Variants in ZDHHC21 observed in about 807,000 individuals in gnomAD.
ZDHHC21 encodes the protein zDHHC palmitoyltransferase 21.
ZDHHC21 carries 15 observed loss-of-function variants against 34.6 expected under a neutral mutation model. The observed-to-expected ratio is 0.43, with a 90% confidence interval of 0.29 to 0.67. ZDHHC21 has a LOEUF of 0.67. Ranked by LOEUF, ZDHHC21 falls within the 30% of genes least tolerant of loss-of-function variation. The pLI, the probability that ZDHHC21 is intolerant of heterozygous loss-of-function variation, is 0.14. For synonymous variants in ZDHHC21, 142 were observed against 101.8 expected (o/e 1.40, Z -2.38); for missense variants, 344 against 327.7 (o/e 1.05, Z -0.38).
intron 8 of ZDHHC21, among the ~76,000 whole-genome samples, chr9:14,639,585 T>C (rs970325124): frequency 6.6e-6 from 1 of 152,072 alleles, no homozygotes; most frequent in Non-Finnish European, 1.5e-5. Flanking sequence ...TTATATATTA[T>C]ATGCATGTAA....
chr9:14,674,354 A>G lies in ZDHHC21; in HGVS notation c.-14T>C. 1.3e-6 allele frequency: 2 copies of G among 1,585,182 alleles called. No homozygotes were observed. Among genetic ancestry groups the G allele is most frequent in the Non-Finnish European group, 1.7e-6 (2 of 1,168,914 alleles). ...CCGGAGACCCATTTTGCAATCTTAT[A>G]ACTGCCTGCTAACCCACAAGGAAGG... On this transcript the variant is annotated 5_prime_UTR_variant, in exon 4 of 10. Coordinates refer to ENST00000380916, the MANE Select transcript of ZDHHC21 (RefSeq NM_178566.6).
intron 1 of ZDHHC21, among the ~76,000 whole-genome samples, chr9:14,692,950 C>G (rs919897615): frequency 9.2e-5 from 14 of 151,954 alleles, no homozygotes; most frequent in African/African-American, 3.1e-4. Flanking sequence ...AGCAGGAACC[C>G]CCCACCCCCA....
At chr9:14,657,066 T>A (rs949691749) in intron 7 of ZDHHC21, among the ~76,000 whole-genome samples, 1 of 152,050 alleles carries the variant, frequency 6.6e-6, no homozygotes, top group Non-Finnish European at 1.5e-5. Flanking sequence ...GACTGTCTAA[T>A]TGCCATTAAT....
chr9:14,664,733 G>A (rs796169677), intron 5 of ZDHHC21, among the ~76,000 whole-genome samples: 1 of 152,090 alleles, frequency 6.6e-6, no homozygotes, highest in Admixed American at 6.5e-5. Context: ...CCCCAGCAGG[G>A]GCACACTGAC....
chr9:14,653,455 T>C (rs1831616920), intron 7 of ZDHHC21, among the ~76,000 whole-genome samples: 2 of 152,030 alleles, frequency 1.3e-5, no homozygotes, highest in Admixed American at 6.6e-5. Flanking sequence ...AGTAAGAACA[T>C]TATTTTATTA....
At chr9:14,673,855 A>C (rs10961651) in intron 4 of ZDHHC21, among the ~76,000 whole-genome samples, 55,786 of 151,794 alleles carry the variant, frequency 0.37, 10,613 homozygotes, top group Non-Finnish European at 0.41. Flanking sequence ...CTCTATTCTT[A>C]AAACATCTAC....
chr9:14,623,971 T>C (rs969475570), intron 8 of ZDHHC21, among the ~76,000 whole-genome samples: 2 of 152,014 alleles, frequency 1.3e-5, no homozygotes, highest in African/African-American at 4.8e-5. Context: ...CCTCAAAAAG[T>C]TAAAAACAAA....
Position 14,618,883 on chromosome 9 carries a change from G to C in ZDHHC21, c.*83C>G. ...CTGGTGGGTGGATTTTAATTGACTT[G>C]AAGACTGTCATAGTTCTATTATCAT... is the stretch of plus-strand genomic sequence containing the variant. On this transcript the variant is annotated 3_prime_UTR_variant, in exon 10 of 10. Coordinates refer to ENST00000380916, the MANE Select transcript of ZDHHC21 (RefSeq NM_178566.6). 2.9e-6 allele frequency: 4 copies of C among 1,399,372 alleles called. No individual in the cohort carries two copies. The highest frequency in any genetic ancestry group is 1.8e-5 in the South Asian group (1 of 54,548). 86.7% of individuals were successfully genotyped at this position (1,399,372 alleles called of 1,614,324 possible). A position where few individuals can be genotyped will look rare whatever the true frequency, so the allele number is the denominator to read the frequency against.
intron 7 of ZDHHC21, among the ~76,000 whole-genome samples, chr9:14,652,801 TTTG>T (rs549370696): frequency 6.8e-4 from 104 of 152,150 alleles, no homozygotes; most frequent in African/African-American, 2.4e-3. Context: ...ACTCATTTTT[TTTG>T]TTGTTGTTGT....
chr9:14,599,514 G>A, the ZDHHC21 span, among the ~76,000 whole-genome samples: 1 of 152,062 alleles, frequency 6.6e-6, no homozygotes, highest in Non-Finnish European at 1.5e-5. Flanking sequence ...GCACAGAAAT[G>A]GATGGCTGTT....
At chr9:14,634,449 C>T (rs376790238) in intron 8 of ZDHHC21, among the ~76,000 whole-genome samples, 8 of 152,168 alleles carry the variant, frequency 5.3e-5, no homozygotes, top group Admixed American at 1.3e-4. Context: ...CTGGTGCCCA[C>T]GGACAGGCCC....
rs1302593519 is a variant in ZDHHC21 at position 14,612,699 on chromosome 9, T to G, written c.*6267A>C. 3 of 151,850 alleles carry G rather than the reference T, an allele frequency of 2.0e-5. No homozygotes were observed. Among genetic ancestry groups the G allele is most frequent in the African/African-American group, 7.2e-5 (3 of 41,394 alleles). The allele number at this position is 151,850 out of a possible 1,614,324, so 9.4% of individuals were successfully genotyped here. ...GAAAGCATCTCTCTCTCTGTCTCTCTCTCTGTCTGTCTGTCTCTCCGTATC... is the reference window on the plus strand; with the variant it reads ...GAAAGCATCTCTCTCTCTGTCTCTCGCTCTGTCTGTCTGTCTCTCCGTATC... On this transcript the variant is annotated 3_prime_UTR_variant, in exon 10 of 10. Transcript: ENST00000380916.
chr9:14,628,789 A>T (rs972302168), intron 8 of ZDHHC21, among the ~76,000 whole-genome samples: 2 of 152,218 alleles, frequency 1.3e-5, no homozygotes, highest in Non-Finnish European at 2.9e-5. Flanking sequence ...TAAAGTAAGC[A>T]TCATCTATAT....
chr9:14,602,972 T>A, the ZDHHC21 span, among the ~76,000 whole-genome samples: 2 of 145,844 alleles, frequency 1.4e-5, no homozygotes, highest in Non-Finnish European at 3.0e-5. Flanking sequence ...ATTTCATTCA[T>A]GCGAAATTCT....
In ZDHHC21 at chr9:14,688,397, G is replaced by C. The variant is rs570944860; in HGVS notation, c.-176+1940C>G. ...TTTACAAACTCCAGAATGAAACAAC[G>C]TTTCTAGGTCCCCATCATTAAAAGT... On this transcript the variant is annotated intron_variant, in intron 2 of 9. Transcript: ENST00000380916. Among the ~76,000 whole-genome samples, 98 of 150,930 alleles carry C rather than the reference G, an allele frequency of 6.5e-4. 3 individuals are homozygous for C. Among genetic ancestry groups the C allele is most frequent in the African/African-American group, 2.2e-3 (88 of 40,238 alleles).
intron 7 of ZDHHC21, among the ~76,000 whole-genome samples, chr9:14,643,102 C>T (rs1401383102): frequency 6.6e-6 from 1 of 152,046 alleles, no homozygotes; most frequent in African/African-American, 2.4e-5. Flanking sequence ...AATAAAATAG[C>T]AGGGTACGGT....
At position 14,668,080 on chromosome 9, in the gene ZDHHC21, A is replaced by G. The variant is rs1392644379; in HGVS notation, c.253+4750T>C. Among the ~76,000 whole-genome samples, 35 of 92,348 alleles carry G rather than the reference A, an allele frequency of 3.8e-4. 1 individual carries two copies. In the East Asian group the frequency reaches 0.012, roughly 31 times the overall value. 60.6% of individuals were successfully genotyped at this position (92,348 alleles called of 152,430 possible). A position where few individuals can be genotyped will look rare whatever the true frequency, so the allele number is the denominator to read the frequency against. ...CAAATTGTCCCTCTTTGCAGATGAC[A>G]TGATTGTTTATCTAGAAAACCCCAC... On this transcript the variant is annotated intron_variant, in intron 5 of 9. Coordinates refer to ENST00000380916, the MANE Select transcript of ZDHHC21 (RefSeq NM_178566.6).
At chr9:14,669,444 G>A (rs2131479395) in intron 5 of ZDHHC21, among the ~76,000 whole-genome samples, 1 of 148,578 alleles carries the variant, frequency 6.7e-6, no homozygotes, top group African/African-American at 2.5e-5. Flanking sequence ...AGTCAGTGTG[G>A]CGATTCCTCA....
Position 14,662,285 on chromosome 9 carries a change from T to G in ZDHHC21, c.295A>C (p.Arg99=), listed in dbSNP as rs998529428. The change falls in exon 6 of 10, where the codon AGA becomes CGA. Residue 99 remains arginine, a synonymous_variant. Transcript: ENST00000380916. ...WELCNKCNLM[R]PKRSHHCSRC... ...CTACAGTGATGGGAACGCTTTGGTC[T>G]CATCAAATTACACTTGTTACATAAT... The G allele has an allele frequency of 6.2e-6, 10 of 1,612,100 alleles. No individual in the cohort carries two copies. Among genetic ancestry groups the G allele is most frequent in the Non-Finnish European group, 6.8e-6 (8 of 1,179,308 alleles).
Sources: allele counts gnomAD v4.1 joint callset (sites outside exome capture counted in the v4.1 genomes callset), GRCh38; gene constraint gnomAD v4.1.1; transcripts MANE v1.5; gene names NCBI Gene and HGNC (gene_info 2026-07-23, HGNC 2026-07-21).